CYP2S1: variants seen among roughly 807,000 people sequenced by gnomAD.
CYP2S1 encodes the protein cytochrome P450 2S1.
In CYP2S1, 32 loss-of-function variants were observed where a neutral mutation model predicts 43.5. The observed-to-expected ratio is 0.74, with a 90% CI of 0.56 to 0.99. CYP2S1 has a LOEUF of 0.99. Among genes scored for constraint, CYP2S1 ranks in the 50% least tolerant of loss-of-function variants. The pLI is 0.00. For missense variants in CYP2S1, 575 were observed against 673.9 expected, an observed-to-expected ratio of 0.85 and a Z score of 1.62; for synonymous variants, 283 against 302.9, an observed-to-expected ratio of 0.93 and a Z score of 0.68.
chr19:41,193,809 T>C (rs544988061), intron 1 of CYP2S1: 5 of 195,768 alleles, frequency 2.6e-5, no homozygotes, highest in Non-Finnish European at 5.1e-5. Context: ...GCTGGAGCCA[T>C]ACAGGTGGGG....
chr19:41,205,376 T>TTC (rs1177779092), intron 7 of CYP2S1, among the ~76,000 whole-genome samples: 13 of 71,350 alleles, frequency 1.8e-4, no homozygotes, highest in East Asian at 3.0e-4. Context: ...CTTTCTTTCT[T>TTC]TCTTTCTCTC....
In CYP2S1 at chr19:41,206,786, A is replaced by C. The variant is rs763910871; in HGVS notation, c.*298A>C. Reference sequence around the variant, plus strand: ...AAGCACATAGCCAGGTAACCCACCAACTCCCCTGGATCTGCAGCCCACACG... The same window carrying C: ...AAGCACATAGCCAGGTAACCCACCACCTCCCCTGGATCTGCAGCCCACACG... On this transcript the variant is annotated 3_prime_UTR_variant, in exon 9 of 9. Coordinates refer to ENST00000310054, the MANE Select transcript of CYP2S1 (RefSeq NM_030622.8). The C allele has an allele frequency of 3.4e-6, 2 of 589,596 alleles. No individual in the cohort carries two copies. Among genetic ancestry groups the C allele is most frequent in the Non-Finnish European group, 6.4e-6 (2 of 311,658 alleles). 36.5% of individuals were successfully genotyped at this position (589,596 alleles called of 1,614,324 possible). A position where few individuals can be genotyped will look rare whatever the true frequency, so the allele number is the denominator to read the frequency against.
At chr19:41,199,901 C>G (rs2122159866) in intron 5 of CYP2S1, among the ~76,000 whole-genome samples, 1 of 149,854 alleles carries the variant, frequency 6.7e-6, no homozygotes, top group Non-Finnish European at 1.5e-5. Flanking sequence ...ACCCGGGAGG[C>G]TTAGGTTGCG....
chr19:41,197,208 A>G (rs1434446201), intron 2 of CYP2S1, among the ~76,000 whole-genome samples: 7 of 151,944 alleles, frequency 4.6e-5, no homozygotes, highest in African/African-American at 1.7e-4. Flanking sequence ...AATAATAATA[A>G]TTACAAAACA....
At chr19:41,197,410 G>T (rs991275209) in intron 2 of CYP2S1, among the ~76,000 whole-genome samples, 1 of 151,942 alleles carries the variant, frequency 6.6e-6, no homozygotes. Context: ...CTAGAAAGAA[G>T]GAGGAATCGG....
At chr19:41,196,989 A>G (rs532576105) in intron 2 of CYP2S1, among the ~76,000 whole-genome samples, 2 of 152,218 alleles carry the variant, frequency 1.3e-5, no homozygotes, top group East Asian at 3.9e-4. Context: ...TCAGGTCAGG[A>G]GTTCAAGACC....
intron 7 of CYP2S1, among the ~76,000 whole-genome samples, chr19:41,205,326 C>CTTTCTTTCTTTCTTTT (rs1237923553): frequency 9.3e-5 from 6 of 64,494 alleles, no homozygotes; most frequent in Non-Finnish European, 1.8e-4. Flanking sequence ...TATTCTTTGC[C>CTTTCTTTCTTTCTTTT]TTTCTTTCTT....
intron 5 of CYP2S1, among the ~76,000 whole-genome samples, chr19:41,200,894 A>G (rs2033479087): frequency 6.6e-6 from 1 of 152,142 alleles, no homozygotes; most frequent in Non-Finnish European, 1.5e-5. Flanking sequence ...CCTGGCCAAC[A>G]TGCAGAAACC....
chr19:41,194,831 A>AT lies in CYP2S1; in HGVS notation c.343+123dup, dbSNP rs375171265. On this transcript the variant is annotated intron_variant, in intron 2 of 8. Transcript: ENST00000310054. ...GTCAAATGGAGTGATAACAGTGCCC[A>AT]TCAGCCGGGTGCAGTGGCTAGTGCC... The AT allele has an allele frequency of 5.7e-4, 790 of 1,381,372 alleles. 3 individuals carry two copies. The African/African-American group carries it at 0.011, about 19-fold the overall frequency. 85.6% of individuals were successfully genotyped at this position (1,381,372 alleles called of 1,614,324 possible).
chr19:41,193,314 T>G lies in CYP2S1; in HGVS notation c.50T>G (p.Leu17Arg). 1.3e-6 allele frequency: 2 copies of G among 1,541,954 alleles called. No homozygotes were observed. The highest frequency in any genetic ancestry group is 1.7e-6 in the Non-Finnish European group (2 of 1,144,252). ...WALLLALALL[L>R]LLTLALSGTR... ...CTGCTGCTGGCGCTGGCGCTGCTCCTGCTGCTGACGCTGGCGCTGTCCGGG... is the reference window on the plus strand; with the variant it reads ...CTGCTGCTGGCGCTGGCGCTGCTCCGGCTGCTGACGCTGGCGCTGTCCGGG... The change falls in exon 1 of 9, where the codon CTG (leucine) becomes CGG (arginine). Residue 17 changes from leucine (L) to arginine (R), a missense_variant. Leu to Arg is a moderately radical substitution (Grantham distance 102). Coordinates refer to ENST00000310054, the MANE Select transcript of CYP2S1 (RefSeq NM_030622.8).
At chr19:41,204,613 T>C (rs1270471643) in intron 7 of CYP2S1, among the ~76,000 whole-genome samples, 7 of 107,646 alleles carry the variant, frequency 6.5e-5, no homozygotes, top group East Asian at 2.8e-4. Context: ...TTTTTTTTTT[T>C]CCGAGATGGA....
intron 6 of CYP2S1, among the ~76,000 whole-genome samples, 163 bp downstream of exon 6, chr19:41,201,535 A>G (rs1460386990): frequency 6.6e-6 from 1 of 151,892 alleles, no homozygotes; most frequent in Non-Finnish European, 1.5e-5. Flanking sequence ...GTGAAACCCC[A>G]TCTCTACTGA....
At chr19:41,205,783 C>G (rs534259213) in intron 7 of CYP2S1, among the ~76,000 whole-genome samples, 175 bp from the exon 8 acceptor site, 16 of 152,034 alleles carry the variant, frequency 1.1e-4, no homozygotes, top group African/African-American at 3.6e-4. Context: ...CAGCCTCCCA[C>G]GTGGCTGGGA....
rs773280588 is a variant in CYP2S1 at position 41,193,298 on chromosome 19, GCGCTGGCGCTGCTCCTGCTGCTGA to G, written c.46_69del (p.Leu16_Leu23del). On this transcript the variant is annotated inframe_deletion, in exon 1 of 9. Transcript: ENST00000310054. ...GACCGGCACCTGGGCGCTGCTGCTG[GCGCTGGCGCTGCTCCTGCTGCTGA>G]CGCTGGCGCTGTCCGGGACCAGGGC... 6 of 1,541,624 alleles carry G rather than the reference GCGCTGGCGCTGCTCCTGCTGCTGA, an allele frequency of 3.9e-6. No homozygotes were observed. The highest frequency in any genetic ancestry group is 2.5e-5 in the East Asian group (1 of 40,580).
intron 2 of CYP2S1, 93 bp downstream of exon 2, chr19:41,194,802 A>G: frequency 6.7e-7 from 1 of 1,498,226 alleles, no homozygotes. Flanking sequence ...CTGTTGCCTC[A>G]TCTGTCAAAT....
intron 5 of CYP2S1, 143 bp from the exon 6 acceptor site, chr19:41,201,088 G>T (rs1441631568): frequency 1.9e-6 from 2 of 1,046,950 alleles, no homozygotes; most frequent in Admixed American, 3.0e-5. Flanking sequence ...AAAAAAAAAA[G>T]TCTACTTCCC....
chr19:41,194,734 C>T, intron 2 of CYP2S1, 25 bp downstream of exon 2: 3 of 1,589,682 alleles, frequency 1.9e-6, no homozygotes, highest in Non-Finnish European at 2.6e-6. Flanking sequence ...GCTAGGCCCT[C>T]CGCTCACAGC....
At chr19:41,205,548 G>T (rs1256099306) in intron 7 of CYP2S1, among the ~76,000 whole-genome samples, 1 of 148,316 alleles carries the variant, frequency 6.7e-6, no homozygotes, top group African/African-American at 2.5e-5. Flanking sequence ...TCTTGACAGG[G>T]TCTCTCTTTG....
intron 6 of CYP2S1, among the ~76,000 whole-genome samples, chr19:41,203,136 C>G (rs1012574242): frequency 6.6e-6 from 1 of 151,164 alleles, no homozygotes; most frequent in Admixed American, 6.6e-5. Flanking sequence ...CGCTTGAATC[C>G]GGGAGGCAGA....
Sources: gnomAD v4.1 joint callset for allele counts (sites outside exome capture counted in the v4.1 genomes callset) on GRCh38, gnomAD v4.1.1 for gene constraint, MANE v1.5 for transcripts, NCBI Gene and HGNC (gene_info 2026-07-23, HGNC 2026-07-21) for gene names.